PTPRM: variants seen among roughly 807,000 people sequenced by gnomAD.
PTPRM encodes receptor-type tyrosine-protein phosphatase mu.
Under a neutral mutation model 186.7 loss-of-function variants are expected in PTPRM, and 47 were observed. The observed-to-expected ratio is 0.25, with a 90% confidence interval of 0.20 to 0.32. PTPRM has a LOEUF of 0.32. PTPRM is among the 10% of genes least tolerant of loss of function. The pLI, the probability that PTPRM is intolerant of heterozygous loss-of-function variation, is 1.00. For missense variants in PTPRM, 1,494 were observed against 1,865.0 expected (o/e 0.80, Z 3.66); for synonymous variants, 668 against 674.9 (o/e 0.99, Z 0.16).
At chr18:8,279,333 G>T (rs1457133839) in intron 19 of PTPRM, among the ~76,000 whole-genome samples, 1 of 152,214 alleles carries the variant, frequency 6.6e-6, no homozygotes, top group Non-Finnish European at 1.5e-5. Flanking sequence ...ATGTAGCAGG[G>T]CTGGAGAAAG....
chr18:7,918,762 T>C lies in PTPRM; in HGVS notation c.548-7806T>C, dbSNP rs550063276. On this transcript the variant is annotated intron_variant, in intron 4 of 32. Coordinates refer to ENST00000580170, the MANE Select transcript of PTPRM (RefSeq NM_001105244.2). ...CATTCCATGGGCTCCCTTCACTTTG[T>C]TGATTGTTTCCTTTGCTGTGTAGAA... 4.6e-5 allele frequency among the ~76,000 whole-genome samples: 7 copies of C among 152,328 alleles called. No homozygotes were observed. The South Asian group carries it at 6.2e-4, about 14-fold the overall frequency.
chr18:7,936,916 C>A (rs7228385), intron 5 of PTPRM, among the ~76,000 whole-genome samples: 11,131 of 152,218 alleles, frequency 0.073, 518 homozygotes, highest in Middle Eastern at 0.26. Flanking sequence ...GAGAGCTGAG[C>A]ACTTGACTGG....
At chr18:8,156,471 G>A (rs1437797452) in intron 14 of PTPRM, among the ~76,000 whole-genome samples, 1 of 152,222 alleles carries the variant, frequency 6.6e-6, no homozygotes, top group Non-Finnish European at 1.5e-5. Flanking sequence ...ATGATAATGT[G>A]TACTGCATAG....
intron 22 of PTPRM, among the ~76,000 whole-genome samples, chr18:8,322,174 C>T (rs919036667): frequency 2.6e-5 from 4 of 152,134 alleles, no homozygotes; most frequent in African/African-American, 9.7e-5. Context: ...TTGCTGACAA[C>T]CAGTTTTACT....
intron 7 of PTPRM, among the ~76,000 whole-genome samples, chr18:8,065,733 A>G (rs1011800624): frequency 2.6e-5 from 4 of 152,318 alleles, no homozygotes; most frequent in Middle Eastern, 3.4e-3. Flanking sequence ...TCCTATGAAT[A>G]CCATTTATTA....
rs572476901 is a variant in PTPRM, at chr18:8,253,169, T to C, written c.2567-58T>C. 101 of 1,289,236 alleles carry C rather than the reference T, an allele frequency of 7.8e-5. 1 individual carries two copies. In the South Asian group the frequency reaches 2.2e-3, roughly 28 times the overall value. The allele number at this position is 1,289,236 out of a possible 1,614,324, so 79.9% of individuals were successfully genotyped here. A position where few individuals can be genotyped will look rare whatever the true frequency, so the allele number is the denominator to read the frequency against. ...GGAGCCAGCTTCTTAGCATTCTCAG[T>C]GATGCCGACCTAGCTCCCTGGCTCT... On this transcript the variant is annotated intron_variant, in intron 18 of 32. Coordinates refer to ENST00000580170, the MANE Select transcript of PTPRM (RefSeq NM_001105244.2).
intron 1 of PTPRM, among the ~76,000 whole-genome samples, chr18:7,664,572 T>G (rs1043889400): frequency 1.3e-5 from 2 of 152,040 alleles, no homozygotes; most frequent in African/African-American, 4.8e-5. Context: ...GGATAGAGTT[T>G]TCTCCATATG....
At position 7,774,149 on chromosome 18, in the gene PTPRM, G is replaced by T. The variant is rs1315816919; in HGVS notation, c.74G>T (p.Gly25Val). The T allele has an allele frequency of 6.2e-7, 1 of 1,606,168 alleles. No homozygotes were observed. Among genetic ancestry groups the T allele is most frequent in the South Asian group, 1.1e-5 (1 of 90,590 alleles). The change falls in exon 2 of 33, where the codon GGT becomes GTT. Residue 25 changes from glycine (G) to valine (V), a missense_variant and splice_region_variant. Physicochemically the swap from Gly to Val is moderately radical, Grantham distance 109. This residue lies in a region of PTPRM where 296 missense variants were observed against 345.5 expected (regional missense o/e 0.86). Coordinates refer to ENST00000580170, the MANE Select transcript of PTPRM (RefSeq NM_001105244.2). ...LLTAAGETFS[G>V]GCLFDEPYST... ...TACTTTTTATTCTTTTACATTTTAG[G>T]TGGCTGCCTCTTTGATGAGCCGTAT... is the stretch of plus-strand genomic sequence containing the variant.
intron 1 of PTPRM, among the ~76,000 whole-genome samples, chr18:7,742,577 T>A (rs599006): frequency 5.3e-5 from 8 of 152,168 alleles, no homozygotes; most frequent in South Asian, 2.1e-4. Context: ...AGTGGTTCAC[T>A]CTTGTAATCC....
At chr18:8,102,449 A>G (rs2091334083) in intron 11 of PTPRM, among the ~76,000 whole-genome samples, 1 of 152,182 alleles carries the variant, frequency 6.6e-6, no homozygotes, top group Non-Finnish European at 1.5e-5. Context: ...AATATTCTAA[A>G]TCATTTGTTG....
At chr18:8,129,357 C>G (rs1472997187) in intron 13 of PTPRM, among the ~76,000 whole-genome samples, 1 of 152,144 alleles carries the variant, frequency 6.6e-6, no homozygotes, top group Non-Finnish European at 1.5e-5. Context: ...TATCTTTACT[C>G]TGGTGACTAG....
At chr18:7,733,222 G>A (rs1315558524) in intron 1 of PTPRM, among the ~76,000 whole-genome samples, 1 of 152,016 alleles carries the variant, frequency 6.6e-6, no homozygotes, top group Non-Finnish European at 1.5e-5. Flanking sequence ...TTGTCCTAAT[G>A]CTCCCTTTTC....
At chr18:7,657,892 C>A (rs1295133956) in intron 1 of PTPRM, among the ~76,000 whole-genome samples, 1 of 152,158 alleles carries the variant, frequency 6.6e-6, no homozygotes, top group Non-Finnish European at 1.5e-5. Flanking sequence ...CATTCTCCCT[C>A]CCCTCCCCCA....
At chr18:7,670,410 A>G (rs116378658) in intron 1 of PTPRM, among the ~76,000 whole-genome samples, 284 of 152,358 alleles carry the variant, frequency 1.9e-3, no homozygotes, top group African/African-American at 6.6e-3. Context: ...TTTTCAGCCT[A>G]TAAATTATGT....
intron 7 of PTPRM, among the ~76,000 whole-genome samples, chr18:7,965,788 C>G (rs2054001674): frequency 6.6e-6 from 1 of 152,176 alleles, no homozygotes; most frequent in South Asian, 2.1e-4. Context: ...TCTATCCATG[C>G]TCCTCTCAGC....
intron 32 of PTPRM, among the ~76,000 whole-genome samples, chr18:8,396,784 C>T (rs984924942): frequency 1.3e-5 from 2 of 152,136 alleles, no homozygotes; most frequent in African/African-American, 2.4e-5. Context: ...ATATCTGTCA[C>T]GGGGCTGTTA....
At chr18:8,104,574 A>G (rs772351846) in intron 11 of PTPRM, among the ~76,000 whole-genome samples, 3 of 152,074 alleles carry the variant, frequency 2.0e-5, no homozygotes, top group African/African-American at 7.2e-5. Flanking sequence ...TCTCCTGAGT[A>G]GCTGGGACTT....
At chr18:8,164,366 GA>G (rs1706627988) in intron 14 of PTPRM, among the ~76,000 whole-genome samples, 1 of 152,178 alleles carries the variant, frequency 6.6e-6, no homozygotes, top group African/African-American at 2.4e-5. Context: ...CAAAAGAAAT[GA>G]AAACAGGGAC....
chr18:8,014,118 C>T (rs2084708924), intron 7 of PTPRM, among the ~76,000 whole-genome samples: 1 of 151,956 alleles, frequency 6.6e-6, no homozygotes, highest in African/African-American at 2.4e-5. Flanking sequence ...TGGTTTGCTT[C>T]ATTTAATTAG....
Sources: gnomAD v4.1 joint callset for allele counts (sites outside exome capture counted in the v4.1 genomes callset) on GRCh38, gnomAD v4.1.1 for gene constraint, gnomAD v4.1.1 regional missense constraint, MANE v1.5 for transcripts, NCBI Gene and HGNC (gene_info 2026-07-23, HGNC 2026-07-21) for gene names.